Variants in NOX4 observed in about 807,000 individuals in gnomAD.
The protein encoded by NOX4 is kidney oxidase-1.
NOX4 carries 69 observed loss-of-function variants against 87.6 expected under a neutral mutation model. That is an observed-to-expected ratio of 0.79 (90% CI 0.65 to 0.96). The LOEUF (loss-of-function observed/expected upper bound fraction) is 0.96. Ranked by LOEUF, NOX4 falls within the 40% of genes least tolerant of loss-of-function variation. The pLI, the probability that NOX4 is intolerant of heterozygous loss-of-function variation, is 0.00. For missense variants in NOX4, 680 were observed against 681.5 expected, an observed-to-expected ratio of 1.00 and a Z score of 0.02; for synonymous variants, 275 against 238.2, an observed-to-expected ratio of 1.15 and a Z score of -1.42.
intron 12 of NOX4, among the ~76,000 whole-genome samples, chr11:89,370,463 T>C (rs943795916): frequency 7.2e-5 from 11 of 151,816 alleles, no homozygotes; most frequent in African/African-American, 2.4e-4. Flanking sequence ...GGTATAGCAT[T>C]ATCTCAGACA....
At chr11:89,349,677 C>T (rs547811262) in intron 13 of NOX4, among the ~76,000 whole-genome samples, 4 of 152,262 alleles carry the variant, frequency 2.6e-5, no homozygotes, top group East Asian at 1.9e-4. Flanking sequence ...TAAACAGTTC[C>T]GATATTAGGA....
upstream of NOX4, among the ~76,000 whole-genome samples, chr11:89,494,125 G>A (rs762320516): frequency 6.6e-6 from 1 of 152,188 alleles, no homozygotes; most frequent in African/African-American, 2.4e-5. Flanking sequence ...AAGTAATGGG[G>A]AGAGAGTTCT....
intron 7 of NOX4, among the ~76,000 whole-genome samples, chr11:89,430,033 T>C (rs1029831178): frequency 2.6e-5 from 4 of 152,164 alleles, no homozygotes; most frequent in African/African-American, 9.7e-5. Flanking sequence ...ATCCCTGGGA[T>C]GCAAAGCTGG....
At chr11:89,350,249 C>T (rs1347704564) in intron 13 of NOX4, among the ~76,000 whole-genome samples, 4 of 152,182 alleles carry the variant, frequency 2.6e-5, no homozygotes, top group Non-Finnish European at 5.9e-5. Context: ...TGTTCCCAAG[C>T]ACCATTGCAG....
chr11:89,399,479 T>C, intron 11 of NOX4, among the ~76,000 whole-genome samples: 1 of 121,828 alleles, frequency 8.2e-6, no homozygotes, highest in East Asian at 2.1e-4. Context: ...ATATTTGTTT[T>C]TTGAGACAAG....
chr11:89,329,861 G>A (rs1047190509), intron 17 of NOX4, among the ~76,000 whole-genome samples: 16 of 151,658 alleles, frequency 1.1e-4, no homozygotes, highest in African/African-American at 3.9e-4. Flanking sequence ...CAGCAAACCA[G>A]CACTATAAAG....
chr11:89,334,685 A>G lies in NOX4; in HGVS notation c.1616+1160T>C, dbSNP rs183623514. ...TTTATAAAAATATATTTTAAAAATT[A>G]TGAAGTGTTCAACTATATAAAGTAA... is the stretch of plus-strand genomic sequence containing the variant. On this transcript the variant is annotated intron_variant, in intron 17 of 17. Transcript: ENST00000263317. Among the ~76,000 whole-genome samples the G allele has an allele frequency of 4.0e-5, 6 of 151,880 alleles. No individual in the cohort carries two copies. The East Asian group carries it at 1.2e-3, about 29-fold the overall frequency.
the NOX4 span, among the ~76,000 whole-genome samples, chr11:89,579,534 A>G: frequency 6.6e-6 from 1 of 152,098 alleles, no homozygotes; most frequent in Non-Finnish European, 1.5e-5. Context: ...GAGTGAATCT[A>G]CCTGTAAAAT....
At chr11:89,409,299 A>G (rs1440903169) in intron 8 of NOX4, among the ~76,000 whole-genome samples, 1 of 152,110 alleles carries the variant, frequency 6.6e-6, no homozygotes, top group Non-Finnish European at 1.5e-5. Context: ...ACACTGGCTA[A>G]TATAAAAAAG....
At chr11:89,413,480 C>T (rs532168506) in intron 8 of NOX4, among the ~76,000 whole-genome samples, 287 of 152,216 alleles carry the variant, frequency 1.9e-3, no homozygotes, top group African/African-American at 6.5e-3. Flanking sequence ...CATATAACAA[C>T]GGTGTACTAT....
At chr11:89,479,796 T>C (rs1946316085) in intron 2 of NOX4, among the ~76,000 whole-genome samples, 1 of 152,212 alleles carries the variant, frequency 6.6e-6, no homozygotes. Context: ...TACTTTTCAC[T>C]AGACACTAAC....
chr11:89,357,515 C>T (rs1938162065), intron 12 of NOX4, among the ~76,000 whole-genome samples: 1 of 152,062 alleles, frequency 6.6e-6, no homozygotes, highest in Non-Finnish European at 1.5e-5. Context: ...TTATGCAGTA[C>T]TCATTAAATG....
intron 13 of NOX4, among the ~76,000 whole-genome samples, chr11:89,350,976 C>T (rs1404808014): frequency 6.6e-6 from 1 of 152,124 alleles, no homozygotes; most frequent in African/African-American, 2.4e-5. Flanking sequence ...AAATTGGACA[C>T]GATTAAACTT....
chr11:89,471,437 T>A (rs977838665), intron 2 of NOX4, among the ~76,000 whole-genome samples: 4 of 152,110 alleles, frequency 2.6e-5, no homozygotes, highest in Non-Finnish European at 5.9e-5. Flanking sequence ...CCACATAAAG[T>A]AAGCTGTACA....
chr11:89,518,674 T>A, the NOX4 span, among the ~76,000 whole-genome samples: 3 of 151,970 alleles, frequency 2.0e-5, 1 homozygote, highest in South Asian at 6.2e-4. Flanking sequence ...CTCTACACTT[T>A]TGCCAAATTG....
intron 11 of NOX4, among the ~76,000 whole-genome samples, chr11:89,394,651 TAG>T (rs1941352682): frequency 1.4e-5 from 2 of 147,894 alleles, no homozygotes; most frequent in African/African-American, 4.9e-5. Flanking sequence ...ATCCCTCCCC[TAG>T]CCCCCCACCC....
intron 8 of NOX4, among the ~76,000 whole-genome samples, chr11:89,408,384 T>C (rs555132257): frequency 5.8e-4 from 89 of 152,306 alleles, no homozygotes; most frequent in Admixed American, 9.8e-4. Context: ...TTTTAGCAAA[T>C]GGCATGTAGT....
the NOX4 span, among the ~76,000 whole-genome samples, chr11:89,516,886 A>G: frequency 6.6e-6 from 1 of 151,952 alleles, no homozygotes; most frequent in African/African-American, 2.4e-5. Flanking sequence ...TTCTGCCAGA[A>G]AGCCTTAAAC....
chr11:89,353,067 C>T (rs1937684357), intron 13 of NOX4, among the ~76,000 whole-genome samples: 1 of 152,182 alleles, frequency 6.6e-6, no homozygotes, highest in African/African-American at 2.4e-5. Context: ...GATCCACCTG[C>T]CTCGGCTTCC....
Sources: allele counts gnomAD v4.1 joint callset (sites outside exome capture counted in the v4.1 genomes callset), GRCh38; gene constraint gnomAD v4.1.1; transcripts MANE v1.5; gene names NCBI Gene and HGNC (gene_info 2026-07-23, HGNC 2026-07-21).